PPARGC1A: variants seen among roughly 807,000 people sequenced by gnomAD.
PPARGC1A encodes PPARG coactivator 1 alpha, also known as peroxisome proliferator-activated receptor gamma coactivator 1-alpha.
PPARGC1A carries 25 observed loss-of-function variants against 88.7 expected under a neutral mutation model. The ratio of observed to expected loss-of-function variants is 0.28; its 90% CI spans 0.21 to 0.39. PPARGC1A has a LOEUF of 0.39. Ranked by LOEUF, PPARGC1A falls within the 10% of genes least tolerant of loss-of-function variation. The pLI is 1.00. For missense variants in PPARGC1A, 880 were observed against 968.7 expected (o/e 0.91, Z 1.22); for synonymous variants, 363 against 355.6 (o/e 1.02, Z -0.24).
the PPARGC1A span, among the ~76,000 whole-genome samples, chr4:24,137,455 T>C: frequency 5.3e-3 from 813 of 152,264 alleles, 32 homozygotes; most frequent in East Asian, 0.097. Context: ...ATACGATAGA[T>C]ACTCAGCACA....
the PPARGC1A span, among the ~76,000 whole-genome samples, chr4:24,248,279 C>T: frequency 6.6e-6 from 1 of 152,118 alleles, no homozygotes; most frequent in Non-Finnish European, 1.5e-5. Context: ...CGCCCGCCAC[C>T]ACGCCCGGCT....
At chr4:24,453,166 G>A in the PPARGC1A span, among the ~76,000 whole-genome samples, 1 of 152,154 alleles carries the variant, frequency 6.6e-6, no homozygotes, top group Non-Finnish European at 1.5e-5. Context: ...TGGGGGCCTA[G>A]AACAGAGCCT....
At chr4:24,125,258 C>G in the PPARGC1A span, among the ~76,000 whole-genome samples, 1 of 152,146 alleles carries the variant, frequency 6.6e-6, no homozygotes, top group South Asian at 2.1e-4. Flanking sequence ...CTGGACTCTT[C>G]AGAAACTTGC....
intron 1 of PPARGC1A, among the ~76,000 whole-genome samples, chr4:23,896,117 A>C (rs1235765369): frequency 4.6e-5 from 7 of 152,092 alleles, no homozygotes; most frequent in Non-Finnish European, 8.8e-5. Context: ...TATAATCATG[A>C]AAAGTTTACC....
the PPARGC1A span, among the ~76,000 whole-genome samples, chr4:23,943,380 GTTTTT>G: frequency 8.0e-6 from 1 of 124,358 alleles, no homozygotes; most frequent in Non-Finnish European, 1.7e-5. Context: ...AAATTAAAAG[GTTTTT>G]TTTTTTTTTT....
chr4:23,952,451 G>T, the PPARGC1A span, among the ~76,000 whole-genome samples: 1 of 152,048 alleles, frequency 6.6e-6, no homozygotes, highest in South Asian at 2.1e-4. Context: ...CTTCCTCCCT[G>T]CTCCTGGGCT....
the PPARGC1A span, among the ~76,000 whole-genome samples, chr4:24,039,221 C>T: frequency 1.3e-5 from 2 of 152,162 alleles, no homozygotes; most frequent in Admixed American, 1.3e-4. Context: ...ATGTGCAACA[C>T]TCCTGATAGT....
the PPARGC1A span, among the ~76,000 whole-genome samples, chr4:23,968,812 G>T: frequency 6.6e-6 from 1 of 152,034 alleles, no homozygotes; most frequent in Non-Finnish European, 1.5e-5. Context: ...CTACTAAGGA[G>T]GCTGAGGCAG....
At chr4:24,148,330 C>T in the PPARGC1A span, among the ~76,000 whole-genome samples, 1 of 152,156 alleles carries the variant, frequency 6.6e-6, no homozygotes, top group Non-Finnish European at 1.5e-5. Context: ...CTGTTTTCCA[C>T]CCTTCCTTCA....
chr4:23,889,090 C>G, intron 1 of PPARGC1A: 1 of 985,364 alleles, frequency 1.0e-6, no homozygotes, highest in Non-Finnish European at 1.2e-6. Context: ...TTATTTTCCC[C>G]CCTGTATGAA....
At chr4:24,361,374 T>C in the PPARGC1A span, among the ~76,000 whole-genome samples, 10 of 152,330 alleles carry the variant, frequency 6.6e-5, no homozygotes, top group Admixed American at 4.6e-4. Context: ...AAAGTTCCTA[T>C]AACAATATAG....
chr4:24,081,167 A>G, the PPARGC1A span, among the ~76,000 whole-genome samples: 1 of 152,168 alleles, frequency 6.6e-6, no homozygotes, highest in African/African-American at 2.4e-5. Context: ...TGCATCTAAG[A>G]GTTTTGGTAT....
the PPARGC1A span, among the ~76,000 whole-genome samples, chr4:24,333,602 G>C: frequency 6.6e-6 from 1 of 152,266 alleles, no homozygotes; most frequent in African/African-American, 2.4e-5. Flanking sequence ...TCTAGTCTGT[G>C]GTTTATAGTA....
At chr4:24,026,466 G>A in the PPARGC1A span, among the ~76,000 whole-genome samples, 1 of 152,088 alleles carries the variant, frequency 6.6e-6, no homozygotes, top group Non-Finnish European at 1.5e-5. Context: ...AGAATAAAGA[G>A]TATGCATAAT....
At chr4:23,808,855 C>T (rs1335485147) in intron 10 of PPARGC1A, among the ~76,000 whole-genome samples, 2 of 152,118 alleles carry the variant, frequency 1.3e-5, no homozygotes, top group Admixed American at 6.5e-5. Flanking sequence ...TCCTAAAACA[C>T]CTCCTACTTA....
the PPARGC1A span, among the ~76,000 whole-genome samples, chr4:24,275,585 G>C: frequency 2.6e-5 from 4 of 152,284 alleles, no homozygotes; most frequent in Non-Finnish European, 5.9e-5. Context: ...TGAGGAAGAG[G>C]CAGGAACCCT....
chr4:23,885,974 A>G (rs1201343198), intron 1 of PPARGC1A, among the ~76,000 whole-genome samples: 1 of 152,176 alleles, frequency 6.6e-6, no homozygotes, highest in African/African-American at 2.4e-5. Context: ...TTTTGGAGGC[A>G]AGTGGACTCC....
At chr4:23,880,974 T>C (rs992672537) in intron 2 of PPARGC1A, 3 of 152,208 alleles carry the variant, frequency 2.0e-5, no homozygotes, top group Non-Finnish European at 4.4e-5. Context: ...AGTTGTATCA[T>C]GGAGGCATTA....
At chr4:23,988,730 G>T in the PPARGC1A span, among the ~76,000 whole-genome samples, 1 of 150,996 alleles carries the variant, frequency 6.6e-6, no homozygotes, top group South Asian at 2.1e-4. Flanking sequence ...GTAAGTTTAT[G>T]TGTTTATATT....
Sources: allele counts gnomAD v4.1 joint callset (sites outside exome capture counted in the v4.1 genomes callset), GRCh38; gene constraint gnomAD v4.1.1; transcripts MANE v1.5; gene names NCBI Gene and HGNC (gene_info 2026-07-23, HGNC 2026-07-21).